The following MALRD1 variants were observed in gnomAD, a reference collection of about 807,000 sequenced individuals.
The protein encoded by MALRD1 is MAM and LDL receptor class A domain containing 1, also known as MAM and LDL-receptor class A domain-containing protein 1.
Under a neutral mutation model 242.1 loss-of-function variants are expected in MALRD1, and 247 were observed. The observed-to-expected ratio is 1.02, with a 90% CI of 0.92 to 1.13. MALRD1 has a LOEUF of 1.13. MALRD1 is among the 50% of genes most tolerant of loss of function. The pLI, the probability that MALRD1 is intolerant of heterozygous loss-of-function variation, is 0.00. For missense variants in MALRD1, 2,989 were observed against 2,533.1 expected (o/e 1.18, Z -3.86); for synonymous variants, 995 against 866.6 (o/e 1.15, Z -2.60).
chr10:19,324,557 A>G (rs1437978707), intron 22 of MALRD1, among the ~76,000 whole-genome samples: 2 of 151,908 alleles, frequency 1.3e-5, no homozygotes, highest in Admixed American at 6.6e-5. Context: ...TGTTTCACGA[A>G]CAGCACAGAC....
At chr10:19,712,082 A>G (rs1172604349) in intron 38 of MALRD1, among the ~76,000 whole-genome samples, 2 of 152,160 alleles carry the variant, frequency 1.3e-5, no homozygotes, top group Non-Finnish European at 2.9e-5. Context: ...TTCCCAAGAA[A>G]GGAACTCAGA....
intron 36 of MALRD1, among the ~76,000 whole-genome samples, chr10:19,638,886 A>C (rs1840265421): frequency 6.6e-6 from 1 of 152,124 alleles, no homozygotes; most frequent in South Asian, 2.1e-4. Context: ...GACCATCGTA[A>C]TAGGAAGCTT....
chr10:19,720,973 C>G (rs1214368781), intron 38 of MALRD1, among the ~76,000 whole-genome samples: 1 of 150,662 alleles, frequency 6.6e-6, no homozygotes, highest in Non-Finnish European at 1.5e-5. Flanking sequence ...TAAAAATGAA[C>G]AAGTAAACAT....
intron 29 of MALRD1, among the ~76,000 whole-genome samples, chr10:19,477,072 C>A: frequency 6.6e-6 from 1 of 152,042 alleles, no homozygotes; most frequent in Non-Finnish European, 1.5e-5. Context: ...AACATACATT[C>A]AGAGATGGGA....
intron 18 of MALRD1, among the ~76,000 whole-genome samples, chr10:19,243,900 A>G (rs192840131): frequency 6.6e-5 from 10 of 151,716 alleles, no homozygotes; most frequent in Non-Finnish European, 1.5e-4. Flanking sequence ...GACATAGGCC[A>G]TTAACACAAA....
chr10:19,620,485 T>A (rs1266179956), intron 36 of MALRD1, among the ~76,000 whole-genome samples: 1 of 152,100 alleles, frequency 6.6e-6, no homozygotes, highest in Admixed American at 6.6e-5. Flanking sequence ...ATTTTCGATG[T>A]CTACATTTAA....
intron 2 of MALRD1, among the ~76,000 whole-genome samples, chr10:19,083,244 A>C (rs751812030): frequency 2.6e-5 from 4 of 151,964 alleles, no homozygotes; most frequent in Admixed American, 6.6e-5. Context: ...GTTGGGGTGC[A>C]CTTTCCATGC....
chr10:19,049,128 G>A lies in MALRD1; in HGVS notation c.190G>A (p.Glu64Lys). 1 of 1,233,870 alleles carries A rather than the reference G, an allele frequency of 8.1e-7. No homozygotes were observed. Among genetic ancestry groups the A allele is most frequent in the African/African-American group, 1.5e-5 (1 of 64,598 alleles). The allele number at this position is 1,233,870 out of a possible 1,614,324, so 76.4% of individuals were successfully genotyped here. A position where few individuals can be genotyped will look rare whatever the true frequency, so the allele number is the denominator to read the frequency against. Reference sequence around the variant, plus strand: ...AGATCAGTGTGGGGATAGCAGTGATGAACGGCACTGTAAGTGACATTCTCC... The same window carrying A: ...AGATCAGTGTGGGGATAGCAGTGATAAACGGCACTGTAAGTGACATTCTCC... ...FTDQCGDSSD[E>K]RHCLNYERCD... Residue 64 changes from glutamate (E) to lysine (K), a missense_variant, in exon 1 of 40, where the codon GAA (glutamate) becomes AAA (lysine). By Grantham distance (56) the Glu-to-Lys change is moderately conservative (BLOSUM62 1). Coordinates refer to ENST00000454679, the MANE Select transcript of MALRD1 (RefSeq NM_001142308.3).
In MALRD1 at chr10:19,331,553, A is replaced by G. The variant is rs1197413884; in HGVS notation, c.3872A>G (p.Asp1291Gly). ...TGTGATTTTGTGAATGATTGTGCTG[A>G]TAATTCAGATGAGACTACTTTCATT... ...KLCDFVNDCA[D>G]NSDETTFICR... Residue 1291 changes from aspartate (D) to glycine (G), a missense_variant, in exon 24 of 40, where the codon GAT (aspartate) becomes GGT (glycine). By Grantham distance (94) the Asp-to-Gly change is moderately conservative. Transcript: ENST00000454679. The G allele has an allele frequency of 1.3e-6, 2 of 1,550,272 alleles. No homozygotes were observed. Among genetic ancestry groups the G allele is most frequent in the Non-Finnish European group, 1.7e-6 (2 of 1,146,778 alleles).
At chr10:19,471,391 G>C (rs749777888) in intron 29 of MALRD1, among the ~76,000 whole-genome samples, 4 of 151,680 alleles carry the variant, frequency 2.6e-5, no homozygotes, top group Non-Finnish European at 5.9e-5. Context: ...TATTTTTCTT[G>C]CTTGAGGTTG....
At chr10:19,134,186 G>A (rs764663359) in intron 9 of MALRD1, among the ~76,000 whole-genome samples, 7 of 152,092 alleles carry the variant, frequency 4.6e-5, no homozygotes, top group Non-Finnish European at 7.4e-5. Flanking sequence ...CTCACTCTCC[G>A]CAGCCTTCCT....
At chr10:19,363,799 A>T (rs1487377409) in intron 26 of MALRD1, among the ~76,000 whole-genome samples, 1 of 152,150 alleles carries the variant, frequency 6.6e-6, no homozygotes, top group Non-Finnish European at 1.5e-5. Flanking sequence ...CCTGGCTTCC[A>T]AAGAATCATC....
chr10:19,392,163 CTT>C (rs1846367591), intron 28 of MALRD1, among the ~76,000 whole-genome samples: 1 of 152,126 alleles, frequency 6.6e-6, no homozygotes, highest in African/African-American at 2.4e-5. Flanking sequence ...AACACCATCA[CTT>C]ATATTATTTC....
chr10:19,461,604 T>G (rs1028331072), intron 29 of MALRD1, among the ~76,000 whole-genome samples: 10 of 151,786 alleles, frequency 6.6e-5, no homozygotes, highest in Non-Finnish European at 2.9e-5. Flanking sequence ...TCCTACACTG[T>G]GGGGGGAGGC....
intron 28 of MALRD1, among the ~76,000 whole-genome samples, chr10:19,441,033 A>G (rs1292032610): frequency 1.3e-5 from 2 of 152,050 alleles, no homozygotes; most frequent in African/African-American, 4.8e-5. Flanking sequence ...AATGATCTCC[A>G]TTCTAACTGG....
At chr10:19,605,602 A>G (rs927124921) in intron 34 of MALRD1, among the ~76,000 whole-genome samples, 5 of 150,686 alleles carry the variant, frequency 3.3e-5, no homozygotes, top group African/African-American at 1.2e-4. Context: ...CCATCTGTAG[A>G]CTTTATTCCT....
chr10:19,151,544 G>A (rs1385770058), intron 11 of MALRD1, among the ~76,000 whole-genome samples: 1 of 151,884 alleles, frequency 6.6e-6, no homozygotes, highest in Non-Finnish European at 1.5e-5. Flanking sequence ...TTATGTACTG[G>A]ACAGAATTTC....
At chr10:19,125,185 A>T (rs967597050) in intron 7 of MALRD1, among the ~76,000 whole-genome samples, 1 of 151,800 alleles carries the variant, frequency 6.6e-6, no homozygotes, top group Non-Finnish European at 1.5e-5. Context: ...ACCTCAAGTG[A>T]TCCACCCACC....
chr10:19,228,700 C>T (rs901323497), intron 18 of MALRD1, among the ~76,000 whole-genome samples: 3 of 152,038 alleles, frequency 2.0e-5, no homozygotes, highest in Admixed American at 1.3e-4. Flanking sequence ...AATTAGAACA[C>T]TCTTAGGATG....
Sources: allele counts gnomAD v4.1 joint callset (sites outside exome capture counted in the v4.1 genomes callset), GRCh38; gene constraint gnomAD v4.1.1; transcripts MANE v1.5; gene names NCBI Gene and HGNC (gene_info 2026-07-23, HGNC 2026-07-21).